ANKRD11: variants seen among roughly 807,000 people sequenced by gnomAD.
ANKRD11 encodes ankyrin repeat domain-containing protein 11.
Under a neutral mutation model 195.7 loss-of-function variants are expected in ANKRD11, and 17 were observed. The ratio of observed to expected loss-of-function variants is 0.09; its 90% CI spans 0.06 to 0.13. The LOEUF is 0.13. ANKRD11 is among the 10% of genes least tolerant of loss of function. The pLI is 1.00. For synonymous variants in ANKRD11, 1,953 were observed against 1,528.1 expected (o/e 1.28, Z -6.49); for missense variants, 3,735 against 3,566.1 (o/e 1.05, Z -1.21).
At position 89,280,212 on chromosome 16, in the gene ANKRD11, A is replaced by G; in HGVS notation, c.6330T>C (p.Ser2110=). Residue 2110 remains serine (S), a synonymous_variant, in exon 9 of 13, where the codon TCT becomes TCC. Coordinates refer to ENST00000301030, the MANE Select transcript of ANKRD11 (RefSeq NM_013275.6). ...NSFLDGSRGL[S]HLGQVEPVPW... ...GCACCGGCTCCACCTGGCCGAGGTG[A>G]GACAGGCCGCGGCTGCCGTCCAGGA... 2.5e-6 allele frequency: 4 copies of G among 1,608,312 alleles called. No individual in the cohort carries two copies. Among genetic ancestry groups the G allele is most frequent in the Non-Finnish European group, 3.4e-6 (4 of 1,179,256 alleles).
chr16:89,298,744 A>C (rs942624628), intron 4 of ANKRD11: 2 of 152,228 alleles, frequency 1.3e-5, no homozygotes, highest in Non-Finnish European at 2.9e-5. Context: ...TGGGGATTAC[A>C]GAATTTTAAA....
At chr16:89,411,758 C>G (rs993055686) in intron 2 of ANKRD11, among the ~76,000 whole-genome samples, 3 of 152,148 alleles carry the variant, frequency 2.0e-5, no homozygotes, top group Non-Finnish European at 4.4e-5. Flanking sequence ...ATCATTTTTC[C>G]CAATGGACAA....
At chr16:89,328,830 T>G (rs1455178708) in intron 2 of ANKRD11, 1 of 133,314 alleles carries the variant, frequency 7.5e-6, no homozygotes, top group Middle Eastern at 4.1e-3. Flanking sequence ...GCTGAGTGAG[T>G]GGACATACCC....
intron 3 of ANKRD11, among the ~76,000 whole-genome samples, chr16:89,312,334 C>T (rs2036651493): frequency 6.6e-6 from 1 of 152,242 alleles, no homozygotes; most frequent in Non-Finnish European, 1.5e-5. Context: ...CAGAGCTAAA[C>T]CTCCAGTGGG....
intron 2 of ANKRD11, among the ~76,000 whole-genome samples, chr16:89,385,343 G>A (rs2040861585): frequency 6.6e-6 from 1 of 151,090 alleles, no homozygotes; most frequent in Non-Finnish European, 1.5e-5. Context: ...TGGCCGGGCT[G>A]GTCTCGAACT....
chr16:89,480,435 C>T (rs956255019), intron 1 of ANKRD11, among the ~76,000 whole-genome samples: 1 of 150,696 alleles, frequency 6.6e-6, no homozygotes, highest in Admixed American at 6.6e-5. Flanking sequence ...CGAGATCACA[C>T]CACTGCACTC....
chr16:89,331,849 A>C (rs944507659), intron 2 of ANKRD11, among the ~76,000 whole-genome samples: 1 of 152,118 alleles, frequency 6.6e-6, no homozygotes, highest in African/African-American at 2.4e-5. Context: ...TTTTCGGCGG[A>C]TGCAATGGTG....
At position 89,442,363 on chromosome 16, in the gene ANKRD11, T is replaced by C. The variant is rs2043551240; in HGVS notation, c.-144-23995A>G. On this transcript the variant is annotated intron_variant, in intron 1 of 12. Transcript: ENST00000301030. The stretch of plus-strand genomic sequence containing the variant: ...ATGGAGGGATGCAGTAGAGCTTCTC[T>C]AGAAAATGCTTTTGAATCTGTCTCA... Among the ~76,000 whole-genome samples the C allele has an allele frequency of 2.0e-5, 3 of 152,220 alleles. No homozygotes were observed. The South Asian group carries it at 6.2e-4, about 31-fold the overall frequency.
chr16:89,343,197 G>A (rs570453357), intron 2 of ANKRD11, among the ~76,000 whole-genome samples: 8 of 152,044 alleles, frequency 5.3e-5, no homozygotes, highest in Non-Finnish European at 1.2e-4. Context: ...CACCATGTTG[G>A]CCAGGCTGGT....
intron 2 of ANKRD11, among the ~76,000 whole-genome samples, chr16:89,327,039 GAATGCAGAGGTGGGA>G (rs1567652762): frequency 9.3e-4 from 41 of 44,224 alleles, no homozygotes; most frequent in African/African-American, 3.6e-3. Context: ...CAGAGGTGGG[GAATGCAGAGGTGGGA>G]AATGCAGAGG....
intron 1 of ANKRD11, among the ~76,000 whole-genome samples, chr16:89,436,157 G>C (rs182743621): frequency 3.9e-5 from 6 of 152,292 alleles, no homozygotes; most frequent in Admixed American, 3.9e-4. Flanking sequence ...GCTCATGCCT[G>C]TAATCCCAGC....
At chr16:89,390,809 G>C (rs1369678384) in intron 2 of ANKRD11, among the ~76,000 whole-genome samples, 4 of 152,182 alleles carry the variant, frequency 2.6e-5, no homozygotes, top group Non-Finnish European at 5.9e-5. Context: ...GGTTCCTGGA[G>C]CTCTGCGCTG....
chr16:89,283,050 G>T lies in ANKRD11; in HGVS notation c.3492C>A (p.His1164Gln), dbSNP rs769924916. Residue 1164 changes from histidine (H) to glutamine (Q), a missense_variant, in exon 9 of 13, where the codon CAC becomes CAA. Physicochemically the swap from His to Gln is conservative, Grantham distance 24 (BLOSUM62 0). Transcript: ENST00000301030. This position sits in a 1 kb window ranked among gnomAD's most constrained non-coding sequence, Gnocchi z 4.3. ...EGREAYASDR[H>Q]RKSSDKQHPE... is the part of the protein sequence containing the mutation. The stretch of plus-strand genomic sequence containing the variant: ...GGTGCTGCTTGTCAGAAGACTTCCT[G>T]TGTCTGTCGGAGGCATAGGCCTCCC... 6.2e-7 allele frequency: 1 copy of T among 1,613,816 alleles called. No individual in the cohort carries two copies. Among genetic ancestry groups the T allele is most frequent in the Admixed American group, 1.7e-5 (1 of 59,996 alleles).
chr16:89,371,244 G>A (rs2040179691), intron 2 of ANKRD11, among the ~76,000 whole-genome samples: 1 of 152,168 alleles, frequency 6.6e-6, no homozygotes, highest in Non-Finnish European at 1.5e-5. Flanking sequence ...ACTGAAGAAA[G>A]GCCACCTACA....
At position 89,441,451 on chromosome 16, in the gene ANKRD11, T is replaced by C. The variant is rs113608256; in HGVS notation, c.-144-23083A>G. On this transcript the variant is annotated intron_variant, in intron 1 of 12. Coordinates refer to ENST00000301030, the MANE Select transcript of ANKRD11 (RefSeq NM_013275.6). ...CAACAAAAGCAGTCAGGAAAAAAAC[T>C]TCAGAAAAAGAATTATTAAAAAATA... Among the ~76,000 whole-genome samples, 9 of 151,522 alleles carry C rather than the reference T, an allele frequency of 5.9e-5. 1 individual carries two copies. The highest frequency in any genetic ancestry group is 1.9e-4 in the African/African-American group (8 of 41,270).
At position 89,280,301 on chromosome 16, in the gene ANKRD11, G is replaced by A. The variant is rs2034082148; in HGVS notation, c.6241C>T (p.Pro2081Ser). 11 of 1,597,528 alleles carry A rather than the reference G, an allele frequency of 6.9e-6. No homozygotes were observed. Among genetic ancestry groups the A allele is most frequent in the East Asian group, 2.2e-5 (1 of 44,596 alleles). ...SLPEAPLDVA[P>S]EPACVAAVAQ... ...ACAGCGGCTACACAGGCGGGCTCGG[G>A]GGCCACGTCCAGCGGGGCTTCCGGA... is the stretch of plus-strand genomic sequence containing the variant. The change falls in exon 9 of 13, where the codon CCC (proline) becomes TCC (serine). Residue 2081 changes from proline (P) to serine (S), a missense_variant. Transcript: ENST00000301030.
chr16:89,316,137 C>T (rs112305918), intron 3 of ANKRD11, among the ~76,000 whole-genome samples: 3,373 of 152,270 alleles, frequency 0.022, 105 homozygotes, highest in African/African-American at 0.077. Flanking sequence ...AGCTGACACA[C>T]ATCCTGCACA....
chr16:89,336,417 T>G (rs549156060), intron 2 of ANKRD11, among the ~76,000 whole-genome samples: 1 of 152,142 alleles, frequency 6.6e-6, no homozygotes, highest in Non-Finnish European at 1.5e-5. Context: ...AAGGAGTCTG[T>G]TTGCTGTGGG....
At position 89,291,894 on chromosome 16, in the gene ANKRD11, G is replaced by T; in HGVS notation, c.227-711C>A. On this transcript the variant is annotated intron_variant, in intron 4 of 12. Transcript: ENST00000301030. The surrounding 1 kb of genome is among the most constrained non-coding windows in gnomAD (Gnocchi z 5.3). Reference sequence around the variant, plus strand: ...TCATCTGACCCGTTACAGAACACTCGGCTGGCGTCTAACGCAACTCACGTG... The same window carrying T: ...TCATCTGACCCGTTACAGAACACTCTGCTGGCGTCTAACGCAACTCACGTG... 1 of 651,320 alleles carries T rather than the reference G, an allele frequency of 1.5e-6. No homozygotes were observed. The highest frequency in any genetic ancestry group is 2.4e-6 in the Non-Finnish European group (1 of 411,138). 40.3% of individuals were successfully genotyped at this position (651,320 alleles called of 1,614,324 possible). A position where few individuals can be genotyped will look rare whatever the true frequency, so the allele number is the denominator to read the frequency against.
Sources: allele counts gnomAD v4.1 joint callset (sites outside exome capture counted in the v4.1 genomes callset), GRCh38; gene constraint gnomAD v4.1.1; non-coding constraint Gnocchi (gnomAD v3.1); transcripts MANE v1.5; gene names NCBI Gene and HGNC (gene_info 2026-07-23, HGNC 2026-07-21).